The following CD86 variants were observed in gnomAD, a reference collection of about 807,000 sequenced individuals.
CD86 encodes the protein T-lymphocyte activation antigen CD86.
A neutral mutation model predicts 32.1 loss-of-function variants in CD86; 11 were observed. That is an observed-to-expected ratio of 0.34 (90% CI 0.22 to 0.57). The LOEUF is 0.57. Among genes scored for constraint, CD86 ranks in the 20% least tolerant of loss-of-function variants. CD86 has a pLI of 0.86. For missense variants in CD86, 359 were observed against 398.4 expected (o/e 0.90, Z 0.84); for synonymous variants, 137 against 135.3 (o/e 1.01, Z -0.09).
Position 122,116,749 on chromosome 3 carries a change from A to G in CD86, c.848-1299A>G, listed in dbSNP as rs1214072126. Reference sequence around the variant, plus strand: ...ACTAATAATACACAAGAACATAGATAAATTTCAAAAGCATTATGCTAAGTG... The same window carrying G: ...ACTAATAATACACAAGAACATAGATGAATTTCAAAAGCATTATGCTAAGTG... On this transcript the variant is annotated intron_variant, in intron 5 of 6. Transcript: ENST00000330540. Among the ~76,000 whole-genome samples the G allele has an allele frequency of 2.0e-5, 3 of 152,212 alleles. No individual in the cohort carries two copies. The East Asian group carries it at 5.8e-4, about 29-fold the overall frequency.
intron 1 of CD86, among the ~76,000 whole-genome samples, chr3:122,066,822 A>G (rs2072420114): frequency 6.6e-6 from 1 of 152,166 alleles, no homozygotes; most frequent in Non-Finnish European, 1.5e-5. Flanking sequence ...GGCCAACTAT[A>G]TGAGTAGTAG....
At chr3:122,111,866 A>G (rs2107546821) in intron 5 of CD86, among the ~76,000 whole-genome samples, 1 of 152,282 alleles carries the variant, frequency 6.6e-6, no homozygotes, top group South Asian at 2.1e-4. Context: ...CAAACTAACT[A>G]ACTTGGCACC....
chr3:122,103,956 G>C, intron 3 of CD86, 109 bp downstream of exon 3: 2 of 869,248 alleles, frequency 2.3e-6, no homozygotes, highest in Non-Finnish European at 3.6e-6. Flanking sequence ...GAAAAGGGGG[G>C]TCTATAGAGA....
intron 2 of CD86, among the ~76,000 whole-genome samples, chr3:122,094,228 C>T (rs1233055431): frequency 6.6e-6 from 1 of 152,180 alleles, no homozygotes; most frequent in African/African-American, 2.4e-5. Context: ...TTTCTGACTC[C>T]GCACACTGAA....
chr3:122,093,389 C>T (rs1380111347), intron 2 of CD86, among the ~76,000 whole-genome samples: 4 of 152,146 alleles, frequency 2.6e-5, no homozygotes, highest in African/African-American at 9.7e-5. Flanking sequence ...GGGGTACGTT[C>T]TGAGAAACAC....
Position 122,103,526 on chromosome 3 carries a change from A to C in CD86, c.79A>C (p.Lys27Gln). The change falls in exon 3 of 7, where the codon AAG becomes CAG. Residue 27 changes from lysine (K) to glutamine (Q), a missense_variant. By Grantham distance (53) the Lys-to-Gln change is moderately conservative. Coordinates refer to ENST00000330540, the MANE Select transcript of CD86 (RefSeq NM_175862.5). ...TTCTTTTTTAGGTGCTGCTCCTCTGAAGATTCAAGCTTATTTCAATGAGAC... is the reference window on the plus strand; with the variant it reads ...TTCTTTTTTAGGTGCTGCTCCTCTGCAGATTCAAGCTTATTTCAATGAGAC... ...AFLLSGAAPLKIQAYFNETAD... is the reference protein window; with the variant it reads ...AFLLSGAAPLQIQAYFNETAD... 1 of 1,611,110 alleles carries C rather than the reference A, an allele frequency of 6.2e-7. No homozygotes were observed. The highest frequency in any genetic ancestry group is 8.5e-7 in the Non-Finnish European group (1 of 1,178,498).
intron 1 of CD86, among the ~76,000 whole-genome samples, chr3:122,056,238 G>C (rs1203004729): frequency 1.3e-5 from 2 of 152,214 alleles, no homozygotes; most frequent in African/African-American, 4.8e-5. Flanking sequence ...TGGTGCGCCA[G>C]AAGGTTTCTC....
At chr3:122,113,682 A>C (rs1373004032) in intron 5 of CD86, among the ~76,000 whole-genome samples, 1 of 152,138 alleles carries the variant, frequency 6.6e-6, no homozygotes, top group Non-Finnish European at 1.5e-5. Flanking sequence ...TGTCCTTATA[A>C]ACACCATTAT....
chr3:122,076,964 C>T (rs989374080), intron 1 of CD86, among the ~76,000 whole-genome samples: 12 of 152,182 alleles, frequency 7.9e-5, no homozygotes, highest in Admixed American at 5.9e-4. Context: ...TTGCACCACA[C>T]GCTTTTGTGT....
Position 122,113,043 on chromosome 3 carries a change from A to C in CD86, c.847+3635A>C, listed in dbSNP as rs578011184. 1.4e-4 allele frequency among the ~76,000 whole-genome samples: 22 copies of C among 152,264 alleles called. No individual in the cohort carries two copies. In the South Asian group the frequency reaches 4.6e-3, roughly 32 times the overall value. ...CTGAGTCCCCAAAGTCCATTATATT[A>C]TTCTTATGTCTTTGCATCCTCATAG... On this transcript the variant is annotated intron_variant, in intron 5 of 6. Coordinates refer to ENST00000330540, the MANE Select transcript of CD86 (RefSeq NM_175862.5).
chr3:122,090,429 A>T (rs2072796819), intron 1 of CD86, among the ~76,000 whole-genome samples: 1 of 152,228 alleles, frequency 6.6e-6, no homozygotes. Context: ...AGACCTGTGA[A>T]TTAATTCACT....
At chr3:122,118,844 T>G (rs748169008) in intron 6 of CD86, among the ~76,000 whole-genome samples, 8 of 152,192 alleles carry the variant, frequency 5.3e-5, no homozygotes, top group Non-Finnish European at 1.0e-4. Flanking sequence ...GATGAATACA[T>G]AAAAGTTCGT....
At chr3:122,067,205 G>T (rs1253791734) in intron 1 of CD86, among the ~76,000 whole-genome samples, 1 of 152,234 alleles carries the variant, frequency 6.6e-6, no homozygotes, top group Non-Finnish European at 1.5e-5. Flanking sequence ...AAGGCCTTGT[G>T]TGTCTTGCTG....
intron 2 of CD86, among the ~76,000 whole-genome samples, chr3:122,101,508 AAAAAAATATATATATATAT>A (rs1365376280): frequency 7.4e-5 from 3 of 40,474 alleles, no homozygotes; most frequent in African/African-American, 1.4e-4. Flanking sequence ...AAAAAAAAAA[AAAAAAATATATATATATAT>A]ATATATATAT....
intron 5 of CD86, among the ~76,000 whole-genome samples, chr3:122,113,107 T>C (rs2073200091): frequency 6.6e-6 from 1 of 152,248 alleles, no homozygotes; most frequent in Non-Finnish European, 1.5e-5. Context: ...ACAATATTTG[T>C]TTCTCCATTC....
chr3:122,081,717 A>G (rs1330189537), intron 1 of CD86, among the ~76,000 whole-genome samples: 2 of 152,214 alleles, frequency 1.3e-5, no homozygotes, highest in African/African-American at 4.8e-5. Context: ...TAAAACCAAT[A>G]CAGGGTGGAA....
chr3:122,065,359 T>C (rs532288087), intron 1 of CD86, among the ~76,000 whole-genome samples: 2 of 152,162 alleles, frequency 1.3e-5, no homozygotes, highest in Non-Finnish European at 2.9e-5. Context: ...GCTGGTGGAC[T>C]AAAAATGGTC....
chr3:122,079,526 A>G (rs368118531), intron 1 of CD86, among the ~76,000 whole-genome samples: 1 of 152,142 alleles, frequency 6.6e-6, no homozygotes, highest in East Asian at 1.9e-4. Context: ...GTCCCTGGGC[A>G]TTTTTCCACA....
intron 1 of CD86, among the ~76,000 whole-genome samples, chr3:122,063,801 C>T (rs555486160): frequency 1.4e-4 from 21 of 152,008 alleles, no homozygotes; most frequent in Admixed American, 3.9e-4. Flanking sequence ...ATCTGCCCAC[C>T]TTGGCCTTCT....
Sources: allele counts gnomAD v4.1 joint callset (sites outside exome capture counted in the v4.1 genomes callset), GRCh38; gene constraint gnomAD v4.1.1; transcripts MANE v1.5; gene names NCBI Gene and HGNC (gene_info 2026-07-23, HGNC 2026-07-21).